The following DUOXA1 variants were observed in gnomAD, a reference collection of about 807,000 sequenced individuals.
DUOXA1 encodes dual oxidase maturation factor 1.
A neutral mutation model predicts 26.6 loss-of-function variants in DUOXA1; 19 were observed. That is an observed-to-expected ratio of 0.71 (90% CI 0.50 to 1.05). The LOEUF (loss-of-function observed/expected upper bound fraction) is 1.05, where lower values mean the gene tolerates loss of function less well. DUOXA1 is among the 50% of genes least tolerant of loss of function. The pLI is 0.00. For missense variants in DUOXA1, 403 were observed against 427.5 expected (o/e 0.94, Z 0.51); for synonymous variants, 166 against 177.0 (o/e 0.94, Z 0.49).
Position 45,119,333 on chromosome 15 carries a change from C to T in DUOXA1, c.805G>A (p.Ala269Thr). The T allele has an allele frequency of 6.2e-7, 1 of 1,613,468 alleles. No individual in the cohort carries two copies. Among genetic ancestry groups the T allele is most frequent in the Non-Finnish European group, 8.5e-7 (1 of 1,179,666 alleles). ...TGAGGCTGCATCCTGTGGGCCACCG[C>T]CATAGCCAGGCCCAGCAGCACACAC... ...LLCVLLGLAM[A>T]VAHRMQPHRL... Residue 269 changes from alanine to threonine, a missense_variant, in exon 9 of 9, where the codon GCG becomes ACG. By Grantham distance (58) the Ala-to-Thr change is moderately conservative (BLOSUM62 0). Transcript: ENST00000560572.
rs755589785 is a variant in DUOXA1 at position 45,117,818 on chromosome 15, A to C, written c.*1288T>G. ...GACCAAAGCGCCAAGGACTGCAGCC[A>C]GGAGAGAGGGGGCTCACCTCTTATC... On this transcript the variant is annotated 3_prime_UTR_variant, in exon 9 of 9. Coordinates refer to ENST00000560572, the MANE Select transcript of DUOXA1 (RefSeq NM_001276266.2). 2.4e-5 allele frequency: 39 copies of C among 1,613,814 alleles called. No individual in the cohort carries two copies. The highest frequency in any genetic ancestry group is 3.2e-5 in the Non-Finnish European group (38 of 1,180,056).
intron 4 of DUOXA1, 87 bp downstream of exon 4, chr15:45,122,781 T>C: frequency 6.8e-7 from 1 of 1,474,642 alleles, no homozygotes; most frequent in East Asian, 2.4e-5. Flanking sequence ...TCTCCTTCCT[T>C]AGCCTGGTTG....
chr15:45,126,318 A>G (rs1895675752), intron 3 of DUOXA1, among the ~76,000 whole-genome samples: 1 of 152,180 alleles, frequency 6.6e-6, no homozygotes, highest in Non-Finnish European at 1.5e-5. Flanking sequence ...CCTAGTCTAT[A>G]GCCATACTGA....
Position 45,119,476 on chromosome 15 carries a change from C to T in DUOXA1, c.773-111G>A, listed in dbSNP as rs376430116. ...TAAGGGAAGCCTAGAGCCCCTGCTT[C>T]AGGGCAACTTGGGCTCAGAGAGGTG... On this transcript the variant is annotated intron_variant, in intron 8 of 8. Transcript: ENST00000560572. The T allele has an allele frequency of 2.3e-5, 33 of 1,448,102 alleles. No homozygotes were observed. The African/African-American group carries it at 4.7e-4, about 21-fold the overall frequency. 89.7% of individuals were successfully genotyped at this position (1,448,102 alleles called of 1,614,324 possible).
rs760116810 is a variant in DUOXA1 at position 45,122,966 on chromosome 15, T to C, written c.49A>G (p.Thr17Ala). 28 of 1,613,192 alleles carry C rather than the reference T, an allele frequency of 1.7e-5. No individual in the cohort carries two copies. The highest frequency in any genetic ancestry group is 4.0e-5 in the African/African-American group (3 of 74,818). Residue 17 changes from threonine to alanine, a missense_variant, in exon 4 of 9, where the codon ACC (threonine) becomes GCC (alanine). Physicochemically the swap from Thr to Ala is moderately conservative, Grantham distance 58. Coordinates refer to ENST00000560572, the MANE Select transcript of DUOXA1 (RefSeq NM_001276266.2). ...TFPFYAGPKP[T>A]FPMDTTLASI... ...GCCAAAGTGGTGTCCATCGGGAAGGTTGGCTTGGGGCCAGCATAGAAGGGG... is the reference window on the plus strand; with the variant it reads ...GCCAAAGTGGTGTCCATCGGGAAGGCTGGCTTGGGGCCAGCATAGAAGGGG...
At chr15:45,122,094 G>T in intron 5 of DUOXA1, 91 bp downstream of exon 5, 1 of 1,426,270 alleles carries the variant, frequency 7.0e-7, no homozygotes, top group Non-Finnish European at 9.7e-7. Context: ...AGGGCCCACC[G>T]CTGTGGGGAA....
At chr15:45,121,504 C>T (rs184357421) in intron 5 of DUOXA1, among the ~76,000 whole-genome samples, 134 of 152,308 alleles carry the variant, frequency 8.8e-4, no homozygotes, top group African/African-American at 3.2e-3. Flanking sequence ...GCAAGGCAAA[C>T]GCAGATAGCT....
At chr15:45,122,296 C>G in intron 4 of DUOXA1, 54 bp from the exon 5 acceptor site, 2 of 1,541,264 alleles carry the variant, frequency 1.3e-6, no homozygotes, top group Non-Finnish European at 1.8e-6. Context: ...CCACATCTAC[C>G]CTTCCTGTTT....
At position 45,129,588 on chromosome 15, in the gene DUOXA1, G is replaced by C. The variant is rs1212470282; in HGVS notation, c.-275C>G. ...GTCTTAGAGGGGTTTAGGTCGGATGGGTGACTTGCTTTGACGCCTGGCCTG... is the reference window on the plus strand; with the variant it reads ...GTCTTAGAGGGGTTTAGGTCGGATGCGTGACTTGCTTTGACGCCTGGCCTG... On this transcript the variant is annotated 5_prime_UTR_variant, in exon 2 of 9. Transcript: ENST00000560572. This position sits in a 1 kb window ranked among gnomAD's most constrained non-coding sequence, Gnocchi z 4.1. 2 of 153,034 alleles carry C rather than the reference G, an allele frequency of 1.3e-5. No individual in the cohort carries two copies. Among genetic ancestry groups the C allele is most frequent in the African/African-American group, 4.8e-5 (2 of 41,418 alleles). The allele number at this position is 153,034 out of a possible 1,614,324, so 9.5% of individuals were successfully genotyped here.
At position 45,119,262 on chromosome 15, in the gene DUOXA1, C is replaced by T; in HGVS notation, c.876G>A (p.Met292Ile). The T allele has an allele frequency of 6.2e-7, 1 of 1,614,152 alleles. No homozygotes were observed. The stretch of plus-strand genomic sequence containing the variant: ...CACCTTCCTCAGGACTCCACTCCAG[C>T]ATGGGGTCTTCATCCACACTCTGGT... ...FFNQSVDEDP[M>I]LEWSPEEGGL... is the part of the protein sequence containing the mutation. The change falls in exon 9 of 9, where the codon ATG becomes ATA. Residue 292 changes from methionine to isoleucine, a missense_variant. Transcript: ENST00000560572.
At chr15:45,127,901 TAAAC>T (rs1355114821) in intron 3 of DUOXA1, among the ~76,000 whole-genome samples, 3 of 152,306 alleles carry the variant, frequency 2.0e-5, no homozygotes, top group South Asian at 2.1e-4. Context: ...CAAATTTAGA[TAAAC>T]AGAGACACAG....
At chr15:45,121,016 G>T in intron 6 of DUOXA1, 71 bp downstream of exon 6, 9 of 1,602,030 alleles carry the variant, frequency 5.6e-6, no homozygotes, top group South Asian at 1.1e-5. Context: ...ATAGCTCTTT[G>T]ACCACACCAA....
chr15:45,128,577 C>A (rs1434215299), intron 3 of DUOXA1, among the ~76,000 whole-genome samples: 4 of 152,088 alleles, frequency 2.6e-5, no homozygotes, highest in Non-Finnish European at 5.9e-5. Flanking sequence ...TCTGTGTGTA[C>A]GTGTGTATCT....
chr15:45,125,007 T>C (rs1275140515), intron 3 of DUOXA1, among the ~76,000 whole-genome samples: 1 of 152,168 alleles, frequency 6.6e-6, no homozygotes, highest in Non-Finnish European at 1.5e-5. Context: ...ATGCCCTAGC[T>C]CCCAGCCTTC....
intron 8 of DUOXA1, 116 bp from the exon 9 acceptor site, chr15:45,119,481 C>A (rs1313955191): frequency 1.4e-6 from 2 of 1,439,796 alleles, no homozygotes; most frequent in Admixed American, 2.6e-5. Flanking sequence ...TGCTTCAGGG[C>A]AACTTGGGCT....
Position 45,119,005 on chromosome 15 carries a change from C to CT in DUOXA1, c.*100dup. The CT allele has an allele frequency of 6.7e-7, 1 of 1,484,624 alleles. No individual in the cohort carries two copies. The highest frequency in any genetic ancestry group is 8.9e-7 in the Non-Finnish European group (1 of 1,118,236). 92.0% of individuals were successfully genotyped at this position (1,484,624 alleles called of 1,614,324 possible). ...CCGTCTGTAGATTGGTGCTGGGTGT[C>CT]TGGTAACAGCCACCCTGAGGGCAGT... On this transcript the variant is annotated 3_prime_UTR_variant, in exon 9 of 9. Transcript: ENST00000560572.
chr15:45,118,107 C>A lies in DUOXA1; in HGVS notation c.*999G>T. ...CTTTTTTTCTTTTGTTTTTTAAAAA[C>A]TGTTTTTCCCATTAATTTTCATGGC... On this transcript the variant is annotated 3_prime_UTR_variant, in exon 9 of 9. Transcript: ENST00000560572. 6.7e-7 allele frequency: 1 copy of A among 1,486,592 alleles called. No individual in the cohort carries two copies. Among genetic ancestry groups the A allele is most frequent in the Non-Finnish European group, 8.9e-7 (1 of 1,123,180 alleles). 92.1% of individuals were successfully genotyped at this position (1,486,592 alleles called of 1,614,324 possible).
chr15:45,126,324 A>G (rs1478859243), intron 3 of DUOXA1, among the ~76,000 whole-genome samples: 1 of 152,178 alleles, frequency 6.6e-6, no homozygotes, highest in African/African-American at 2.4e-5. Context: ...CTATAGCCAT[A>G]CTGAATGACT....
At chr15:45,123,330 C>T (rs1330695186) in intron 3 of DUOXA1, among the ~76,000 whole-genome samples, 1 of 152,174 alleles carries the variant, frequency 6.6e-6, no homozygotes, top group Non-Finnish European at 1.5e-5. Flanking sequence ...ACCCTGGGGG[C>T]TTCTCTGTTT....
Sources: allele counts gnomAD v4.1 joint callset (sites outside exome capture counted in the v4.1 genomes callset), GRCh38; gene constraint gnomAD v4.1.1; non-coding constraint Gnocchi (gnomAD v3.1); transcripts MANE v1.5; gene names NCBI Gene and HGNC (gene_info 2026-07-23, HGNC 2026-07-21).